Variants in ITPR3 observed in about 807,000 individuals in gnomAD.
ITPR3 encodes the protein inositol 1,4,5-trisphosphate-gated calcium channel ITPR3.
Under a neutral mutation model 293.2 loss-of-function variants are expected in ITPR3, and 173 were observed. That is an observed-to-expected ratio of 0.59 (90% CI 0.52 to 0.67). The LOEUF is 0.67. ITPR3 is among the 30% of genes least tolerant of loss of function. The pLI, the probability that ITPR3 is intolerant of heterozygous loss-of-function variation, is 0.00. For synonymous variants in ITPR3, 1,295 were observed against 1,444.4 expected (o/e 0.90, Z 2.35); for missense variants, 2,796 against 3,592.1 (o/e 0.78, Z 5.66).
intron 56 of ITPR3, chr6:33,694,695 TAACGGAAG>T: frequency 1.8e-6 from 1 of 547,190 alleles, no homozygotes; most frequent in East Asian, 3.2e-5. Flanking sequence ...CGACGCTGCC[TAACGGAAG>T]TCAGCCTGTC....
chr6:33,662,645 A>G lies in ITPR3; in HGVS notation c.829A>G (p.Thr277Ala). The G allele has an allele frequency of 6.2e-7, 1 of 1,609,764 alleles. No homozygotes were observed. ...ACTGCGCCAGTCTGCCACCTCGGCC[A>G]CCAGCTCCAATGCTCTCTGGGAGGT... is the stretch of plus-strand genomic sequence containing the variant. ...TTLRQSATSA[T>A]SSNALWEVEV... is the part of the protein sequence containing the mutation. Residue 277 changes from threonine (T) to alanine (A), a missense_variant, in exon 8 of 58, where the codon ACC (threonine) becomes GCC (alanine). This residue lies in a region of ITPR3 where 955 missense variants were observed against 1,180.8 expected (regional missense o/e 0.81). Transcript: ENST00000605930.
intron 1 of ITPR3, among the ~76,000 whole-genome samples, chr6:33,627,255 C>G (rs1402146203): frequency 6.6e-6 from 1 of 151,998 alleles, no homozygotes; most frequent in Non-Finnish European, 1.5e-5. Context: ...AATATACATT[C>G]CATGGAGAAA....
At position 33,672,978 on chromosome 6, in the gene ITPR3, C is replaced by T. The variant is rs940437546; in HGVS notation, c.2929-613C>T. On this transcript the variant is annotated intron_variant, in intron 22 of 57. Transcript: ENST00000605930. The surrounding 1 kb of genome is among the most constrained non-coding windows in gnomAD (Gnocchi z 5.0). ...AGGGCAGGAAGGGTAGTGCAGTGAC[C>T]TCCGTGGGGGACCTCTGGCGGTCAG... is the stretch of plus-strand genomic sequence containing the variant. 2.0e-5 allele frequency among the ~76,000 whole-genome samples: 3 copies of T among 152,178 alleles called. No individual in the cohort carries two copies. The highest frequency in any genetic ancestry group is 4.4e-5 in the Non-Finnish European group (3 of 68,040).
Position 33,683,971 on chromosome 6 carries a change from C to G in ITPR3, c.4789-49C>G, listed in dbSNP as rs755999599. 7.1e-6 allele frequency: 11 copies of G among 1,550,174 alleles called. No homozygotes were observed. The highest frequency in any genetic ancestry group is 6.1e-6 in the Non-Finnish European group (7 of 1,147,972). The stretch of plus-strand genomic sequence containing the variant: ...TTGGGTCGGAGGAATGGCAGTCACA[C>G]CCGGGTCATTTCTTGGGCCTGGCAA... On this transcript the variant is annotated intron_variant, in intron 35 of 57. Coordinates refer to ENST00000605930, the MANE Select transcript of ITPR3 (RefSeq NM_002224.4). This position sits in a 1 kb window ranked among gnomAD's most constrained non-coding sequence, Gnocchi z 4.5.
rs1453874372 is a variant in ITPR3 at position 33,687,428 on chromosome 6, C to T, written c.6178-50C>T. On this transcript the variant is annotated intron_variant, in intron 45 of 57. Coordinates refer to ENST00000605930, the MANE Select transcript of ITPR3 (RefSeq NM_002224.4). The surrounding 1 kb of genome is among the most constrained non-coding windows in gnomAD (Gnocchi z 5.3). The stretch of plus-strand genomic sequence containing the variant: ...GTCGCCATTGTCGCCCCCCAGCCAC[C>T]ATGTCCCCCAGCCACCACACCCTGG... The T allele has an allele frequency of 6.4e-7, 1 of 1,555,996 alleles. No individual in the cohort carries two copies. The highest frequency in any genetic ancestry group is 8.8e-7 in the Non-Finnish European group (1 of 1,141,198).
At chr6:33,693,460 C>T in intron 55 of ITPR3, 85 bp from the exon 56 acceptor site, 1 of 1,463,922 alleles carries the variant, frequency 6.8e-7, no homozygotes, top group Non-Finnish European at 9.5e-7. Context: ...GCCTCCAACC[C>T]CCGGAAGCTG....
rs753292745 is a variant in ITPR3, at chr6:33,671,305, T to C, written c.2727T>C (p.Gly909=). The part of the protein sequence containing the change: ...PAMLQAYEDP[G]GKNVRRSIQG... ...TGCTGCAGGCCTATGAGGACCCCGG[T>C]GGTGAGGCCTTTGCCCGGCTCGGGC... is the stretch of plus-strand genomic sequence containing the variant. The change falls in exon 21 of 58, where the codon GGT becomes GGC. Residue 909 remains glycine (G), a splice_region_variant and synonymous_variant. Coordinates refer to ENST00000605930, the MANE Select transcript of ITPR3 (RefSeq NM_002224.4). The C allele has an allele frequency of 6.2e-7, 1 of 1,610,710 alleles. No individual in the cohort carries two copies. The highest frequency in any genetic ancestry group is 8.5e-7 in the Non-Finnish European group (1 of 1,178,448).
Position 33,692,041 on chromosome 6 carries a change from TC to T in ITPR3, c.7458+118del. The T allele has an allele frequency of 1.4e-6, 2 of 1,398,554 alleles. No homozygotes were observed. Among genetic ancestry groups the T allele is most frequent in the Admixed American group, 1.7e-5 (1 of 58,286 alleles). 86.6% of individuals were successfully genotyped at this position (1,398,554 alleles called of 1,614,324 possible). A position where few individuals can be genotyped will look rare whatever the true frequency, so the allele number is the denominator to read the frequency against. On this transcript the variant is annotated intron_variant, in intron 54 of 57. Transcript: ENST00000605930. This position sits in a 1 kb window ranked among gnomAD's most constrained non-coding sequence, Gnocchi z 4.2. ...GTCAGATATTCAGGGTTGAACCCCCTCCCCCGAACTTGTATCCACTTTTCCC... is the reference window on the plus strand; with the variant it reads ...GTCAGATATTCAGGGTTGAACCCCCTCCCCGAACTTGTATCCACTTTTCCC...
rs751368784 is a variant in ITPR3, at chr6:33,680,452, C to T, written c.4348C>T (p.Arg1450Trp). The T allele has an allele frequency of 1.3e-5, 21 of 1,612,768 alleles. No individual in the cohort carries two copies. Among genetic ancestry groups the T allele is most frequent in the Non-Finnish European group, 1.7e-5 (20 of 1,179,886 alleles). The change falls in exon 32 of 58, where the codon CGG becomes TGG. Residue 1450 changes from arginine (R) to tryptophan (W), a missense_variant and splice_region_variant. Arg to Trp is a moderately radical substitution (Grantham distance 101). Around this residue, in one of 8 missense-constraint regions of ITPR3, gnomAD observed 344 missense variants for 460.3 expected, o/e 0.75. Coordinates refer to ENST00000605930, the MANE Select transcript of ITPR3 (RefSeq NM_002224.4). ...TGAGAACTTCACCCTGGACATGGCC[C>T]GGGTCTGTCCCTGTGAGGGGTGTGG... ...LFENFTLDMA[R>W]VCSKREKRVA... is the part of the protein sequence containing the mutation.
At position 33,672,631 on chromosome 6, in the gene ITPR3, A is replaced by G. The variant is rs1475143505; in HGVS notation, c.2928+403A>G. Among the ~76,000 whole-genome samples, 1 of 152,216 alleles carries G rather than the reference A, an allele frequency of 6.6e-6. No homozygotes were observed. Among genetic ancestry groups the G allele is most frequent in the Non-Finnish European group, 1.5e-5 (1 of 68,038 alleles). ...GGCCCCACCCTAGACCTACTGAGTCAGGAACACTGGAGAGGGGCCCTGTGG... is the reference window on the plus strand; with the variant it reads ...GGCCCCACCCTAGACCTACTGAGTCGGGAACACTGGAGAGGGGCCCTGTGG... On this transcript the variant is annotated intron_variant, in intron 22 of 57. Transcript: ENST00000605930. This position sits in a 1 kb window ranked among gnomAD's most constrained non-coding sequence, Gnocchi z 5.0.
Position 33,688,365 on chromosome 6 carries a change from G to T in ITPR3, c.6502G>T (p.Val2168Leu). ...TGAGCAGGACGAGCAGGGCAGCAAA[G>T]TGAGCGACTTCTTCGACCAGTCCTC... ...TTEQDEQGSKVSDFFDQSSFL... is the reference protein window; with the variant it reads ...TTEQDEQGSKLSDFFDQSSFL... Residue 2168 changes from valine to leucine, a missense_variant, in exon 48 of 58, where the codon GTG (valine) becomes TTG (leucine). Around this residue, in one of 8 missense-constraint regions of ITPR3, gnomAD observed 568 missense variants for 796.1 expected, o/e 0.71. Coordinates refer to ENST00000605930, the MANE Select transcript of ITPR3 (RefSeq NM_002224.4). 1 of 1,611,970 alleles carries T rather than the reference G, an allele frequency of 6.2e-7. No homozygotes were observed. The highest frequency in any genetic ancestry group is 8.5e-7 in the Non-Finnish European group (1 of 1,178,948).
At chr6:33,650,280 G>A (rs1561857453) in intron 2 of ITPR3, among the ~76,000 whole-genome samples, 5 of 151,930 alleles carry the variant, frequency 3.3e-5, no homozygotes, top group Non-Finnish European at 5.9e-5. Flanking sequence ...GTATGGCGAC[G>A]GGCCCCGAGT....
Position 33,670,688 on chromosome 6 carries a change from A to G in ITPR3, c.2459A>G (p.Asn820Ser), listed in dbSNP as rs755391508. 29 of 1,613,928 alleles carry G rather than the reference A, an allele frequency of 1.8e-5. No homozygotes were observed. Among genetic ancestry groups the G allele is most frequent in the African/African-American group, 1.2e-4 (9 of 74,890 alleles). ...ACCCTCAGCTATGATTCCAACCTCA[A>G]CGCGTCCCGAGATGACAAGAAGAAC... ...ITIKDYDSNL[N>S]ASRDDKKNKF... The change falls in exon 20 of 58, where the codon AAC (asparagine) becomes AGC (serine). Residue 820 changes from asparagine to serine, a missense_variant. Around this residue, in one of 8 missense-constraint regions of ITPR3, gnomAD observed 955 missense variants for 1,180.8 expected, o/e 0.81. Coordinates refer to ENST00000605930, the MANE Select transcript of ITPR3 (RefSeq NM_002224.4). This position sits in a 1 kb window ranked among gnomAD's most constrained non-coding sequence, Gnocchi z 6.7.
At chr6:33,641,886 C>T (rs990579435) in intron 2 of ITPR3, among the ~76,000 whole-genome samples, 9 of 152,192 alleles carry the variant, frequency 5.9e-5, no homozygotes, top group Admixed American at 5.2e-4. Flanking sequence ...GCACTGCTGG[C>T]CCCACCTCCC....
In ITPR3 at chr6:33,688,439, C is replaced by T; in HGVS notation, c.6568+8C>T. The stretch of plus-strand genomic sequence containing the variant: ...GGCAGCGCAAGCTCCGCAGTGAGGA[C>T]CCACGGGCGGGAGGGTGGGGCGGTC... On this transcript the variant is annotated splice_region_variant and intron_variant, in intron 48 of 57. Transcript: ENST00000605930. 7.3e-7 allele frequency: 1 copy of T among 1,374,146 alleles called. No individual in the cohort carries two copies. Among genetic ancestry groups the T allele is most frequent in the Non-Finnish European group, 9.7e-7 (1 of 1,029,034 alleles). 85.1% of individuals were successfully genotyped at this position (1,374,146 alleles called of 1,614,324 possible).
rs1323105207 is a variant in ITPR3, at chr6:33,684,144, G to A, written c.4913G>A (p.Cys1638Tyr). The change falls in exon 36 of 58, where the codon TGC (cysteine) becomes TAC (tyrosine). Residue 1638 changes from cysteine (C) to tyrosine (Y), a missense_variant. This residue lies in a region of ITPR3 where 704 missense variants were observed against 797.5 expected (regional missense o/e 0.88). Transcript: ENST00000605930. The surrounding 1 kb of genome is among the most constrained non-coding windows in gnomAD (Gnocchi z 4.2). ...FLEGSEAYQRCESGGFLSKLI... is the reference protein window; with the variant it reads ...FLEGSEAYQRYESGGFLSKLI... ...GAGGGCAGTGAGGCCTACCAGCGCT[G>A]CGAGAGTGGGGGCTTCCTGTCCAAG... 3 of 1,610,974 alleles carry A rather than the reference G, an allele frequency of 1.9e-6. No homozygotes were observed. The highest frequency in any genetic ancestry group is 4.5e-5 in the East Asian group (2 of 44,886).
chr6:33,641,447 T>TTGGC (rs372349117), intron 2 of ITPR3, among the ~76,000 whole-genome samples: 20 of 152,284 alleles, frequency 1.3e-4, no homozygotes, highest in African/African-American at 4.8e-4. Flanking sequence ...GGCGGCATCC[T>TTGGC]TGGCTGGCTG....
At chr6:33,690,818 TG>T in intron 51 of ITPR3, 98 bp from the exon 52 acceptor site, 1 of 1,141,382 alleles carries the variant, frequency 8.8e-7, no homozygotes, top group Non-Finnish European at 1.3e-6. Flanking sequence ...GGAAACTGTC[TG>T]GAGCCCAGGC....
Position 33,682,741 on chromosome 6 carries a change from C to A in ITPR3, c.4597+97C>A. On this transcript the variant is annotated intron_variant, in intron 34 of 57. Coordinates refer to ENST00000605930, the MANE Select transcript of ITPR3 (RefSeq NM_002224.4). The surrounding 1 kb of genome is among the most constrained non-coding windows in gnomAD (Gnocchi z 5.4). ...CTAATAAACACTTTATCCCTAAGCT[C>A]GCCCATCTCCTGCTCCCAGGTGGTT... is the stretch of plus-strand genomic sequence containing the variant. 1 of 1,426,522 alleles carries A rather than the reference C, an allele frequency of 7.0e-7. No homozygotes were observed. The highest frequency in any genetic ancestry group is 2.8e-5 in the East Asian group (1 of 35,850). The allele number at this position is 1,426,522 out of a possible 1,614,324, so 88.4% of individuals were successfully genotyped here. A position where few individuals can be genotyped will look rare whatever the true frequency, so the allele number is the denominator to read the frequency against.
Sources: allele counts gnomAD v4.1 joint callset (sites outside exome capture counted in the v4.1 genomes callset), GRCh38; gene constraint gnomAD v4.1.1; regional missense constraint gnomAD v4.1.1; non-coding constraint Gnocchi (gnomAD v3.1); transcripts MANE v1.5; gene names NCBI Gene and HGNC (gene_info 2026-07-23, HGNC 2026-07-21).